Variants in FRMD1 observed in about 807,000 individuals in gnomAD.
The protein encoded by FRMD1 is FERM domain-containing protein 1.
A neutral mutation model predicts 54.9 loss-of-function variants in FRMD1; 51 were observed. The observed-to-expected ratio is 0.93, with a 90% CI of 0.74 to 1.17. FRMD1 has a LOEUF of 1.17. FRMD1 is among the 50% of genes most tolerant of loss of function. The pLI, the probability that FRMD1 is intolerant of heterozygous loss-of-function variation, is 0.00. For missense variants in FRMD1, 729 were observed against 743.0 expected, an observed-to-expected ratio of 0.98 and a Z score of 0.22; for synonymous variants, 324 against 306.4, an observed-to-expected ratio of 1.06 and a Z score of -0.60.
chr6:168,087,824 G>C (rs939417347), intron 1 of FRMD1, among the ~76,000 whole-genome samples: 1 of 152,198 alleles, frequency 6.6e-6, no homozygotes, highest in African/African-American at 2.4e-5. Flanking sequence ...CCCCAAGGAC[G>C]CTGACCTCAC....
chr6:168,092,726 C>T (rs1335247703), intron 1 of FRMD1, among the ~76,000 whole-genome samples: 2 of 152,208 alleles, frequency 1.3e-5, no homozygotes. Flanking sequence ...TGTTTAAGCT[C>T]CTGGTCTGTG....
chr6:168,073,007 C>A (rs929563601), intron 2 of FRMD1, among the ~76,000 whole-genome samples: 5 of 152,178 alleles, frequency 3.3e-5, no homozygotes, highest in African/African-American at 1.2e-4. Context: ...TGGGAAGCTA[C>A]GTGTTTTGAC....
At chr6:168,074,940 A>T (rs1800509597) in intron 2 of FRMD1, among the ~76,000 whole-genome samples, 1 of 143,348 alleles carries the variant, frequency 7.0e-6, no homozygotes, top group African/African-American at 2.6e-5. Context: ...GTGGTGTGTA[A>T]CTGCACGTGT....
intron 10 of FRMD1, among the ~76,000 whole-genome samples, chr6:168,058,745 C>T (rs185819112): frequency 6.6e-6 from 1 of 152,180 alleles, no homozygotes; most frequent in African/African-American, 2.4e-5. Context: ...CAGCACTAGG[C>T]CCCGGGTGGA....
At position 168,057,128 on chromosome 6, in the gene FRMD1, C is replaced by T. The variant is rs1353787927; in HGVS notation, c.1619G>A (p.Gly540Glu). 6.6e-7 allele frequency: 1 copy of T among 1,512,190 alleles called. No individual in the cohort carries two copies. The highest frequency in any genetic ancestry group is 1.3e-5 in the South Asian group (1 of 74,824). 93.7% of individuals were successfully genotyped at this position (1,512,190 alleles called of 1,614,324 possible). A position where few individuals can be genotyped will look rare whatever the true frequency, so the allele number is the denominator to read the frequency against. ...CACAAACTCCTGTGGTGGAGCCTCT[C>T]CGAACAGGTCCAGGGCGAGACAGTT... The part of the protein sequence containing the change: ...SSNCLALDLF[G>E]EAPPQEFVV The change falls in exon 11 of 11, where the codon GGA becomes GAA. Residue 540 changes from glycine to glutamate, a missense_variant. By Grantham distance (98) the Gly-to-Glu change is moderately conservative. Coordinates refer to ENST00000283309, the MANE Select transcript of FRMD1 (RefSeq NM_024919.6).
chr6:168,073,150 GGT>G (rs1562423857), intron 2 of FRMD1, among the ~76,000 whole-genome samples: 1 of 152,124 alleles, frequency 6.6e-6, no homozygotes, highest in Non-Finnish European at 1.5e-5. Context: ...GCTGCTCCCG[GGT>G]GTAAGCCCAG....
chr6:168,059,043 C>T lies in FRMD1; in HGVS notation c.1407+81G>A. ...ACCCTCTGATAGGCCTAGGAAGGTC[C>T]CCAGGGCCCCTGACAGGGGACCTAG... is the stretch of plus-strand genomic sequence containing the variant. On this transcript the variant is annotated intron_variant, in intron 10 of 10. Coordinates refer to ENST00000283309, the MANE Select transcript of FRMD1 (RefSeq NM_024919.6). The surrounding 1 kb of genome is among the most constrained non-coding windows in gnomAD (Gnocchi z 4.4). 1 of 1,167,480 alleles carries T rather than the reference C, an allele frequency of 8.6e-7. No homozygotes were observed. Among genetic ancestry groups the T allele is most frequent in the East Asian group, 2.6e-5 (1 of 39,210 alleles). The allele number at this position is 1,167,480 out of a possible 1,614,324, so 72.3% of individuals were successfully genotyped here.
At chr6:168,086,874 C>G (rs1277250827) in intron 1 of FRMD1, among the ~76,000 whole-genome samples, 2 of 152,256 alleles carry the variant, frequency 1.3e-5, no homozygotes. Flanking sequence ...CCTTGGGCAC[C>G]TGTTAGCCAG....
At chr6:168,079,331 C>T (rs1256056123), upstream of FRMD1, among the ~76,000 whole-genome samples, 4 of 152,218 alleles carry the variant, frequency 2.6e-5, no homozygotes, top group Non-Finnish European at 5.9e-5. Context: ...AGGCTGGGCA[C>T]CCGCCATGCA....
rs2269680 is a variant in FRMD1 at position 168,059,112 on chromosome 6, G to T, written c.1407+12C>A. The T allele has an allele frequency of 2.9e-4, 453 of 1,558,124 alleles. No homozygotes were observed. The highest frequency in any genetic ancestry group is 4.2e-4 in the Admixed American group (23 of 54,436). ...CAGGGCCAGGGCTTCTGGCCCGTGG[G>T]GGGGACTCTACCTGGTGCACGGCCT... On this transcript the variant is annotated intron_variant, in intron 10 of 10. Transcript: ENST00000283309. This position sits in a 1 kb window ranked among gnomAD's most constrained non-coding sequence, Gnocchi z 4.4.
chr6:168,080,269 G>GCTCC (rs560583803), upstream of FRMD1, among the ~76,000 whole-genome samples: 2 of 151,812 alleles, frequency 1.3e-5, no homozygotes, highest in African/African-American at 2.4e-5. Flanking sequence ...ACTGACACTG[G>GCTCC]CTCCCTCCCT....
In FRMD1 at chr6:168,060,939, G is replaced by A. The variant is rs765450381; in HGVS notation, c.1164C>T (p.His388=). Residue 388 remains histidine (H), a synonymous_variant, in exon 9 of 11, where the codon CAC becomes CAT. Transcript: ENST00000283309. ...AGGAACTGCCGTGGCTGTCGGCGGA[G>A]TGGCGTGAGAGGCAGTGGGGGCAGT... is the stretch of plus-strand genomic sequence containing the variant. ...SQHCPHCLSR[H]SADSHGSSYT... 6.2e-6 allele frequency: 10 copies of A among 1,613,668 alleles called. No homozygotes were observed. The highest frequency in any genetic ancestry group is 1.1e-5 in the South Asian group (1 of 91,080).
rs3734895 is a variant in FRMD1, at chr6:168,053,740, C to T, written c.*3357G>A. ...CCCCGTGGCTCTGGCACATTTCCCC[C>T]GCCTGGGGAACCCAGAGTCCATGGG... On this transcript the variant is annotated 3_prime_UTR_variant, in exon 11 of 11. Coordinates refer to ENST00000283309, the MANE Select transcript of FRMD1 (RefSeq NM_024919.6). 134,631 of 152,304 alleles carry T rather than the reference C, an allele frequency of 0.88. 59,570 individuals are homozygous for T. Among genetic ancestry groups the T allele is most frequent in the Non-Finnish European group, 0.91 (62,054 of 68,046 alleles). The allele number at this position is 152,304 out of a possible 1,614,324, so 9.4% of individuals were successfully genotyped here.
chr6:168,086,781 CCACACTGGATGG>C (rs1262670381), intron 1 of FRMD1, among the ~76,000 whole-genome samples: 1 of 152,252 alleles, frequency 6.6e-6, no homozygotes, highest in Non-Finnish European at 1.5e-5. Flanking sequence ...CCCTGTCTCC[CCACACTGGATGG>C]CACGATGTTC....
At chr6:168,072,304 A>C (rs1010854878) in intron 2 of FRMD1, among the ~76,000 whole-genome samples, 6 of 151,914 alleles carry the variant, frequency 3.9e-5, no homozygotes, top group African/African-American at 1.5e-4. Context: ...ACCCCCCAAC[A>C]CCACCTGCTG....
rs557168636 is a variant in FRMD1, at chr6:168,059,355, C to T, written c.1343-167G>A. Among the ~76,000 whole-genome samples the T allele has an allele frequency of 1.1e-4, 17 of 152,296 alleles. No individual in the cohort carries two copies. The highest frequency in any genetic ancestry group is 9.8e-4 in the Admixed American group (15 of 15,302). On this transcript the variant is annotated intron_variant, in intron 9 of 10. Coordinates refer to ENST00000283309, the MANE Select transcript of FRMD1 (RefSeq NM_024919.6). This position sits in a 1 kb window ranked among gnomAD's most constrained non-coding sequence, Gnocchi z 4.4. The stretch of plus-strand genomic sequence containing the variant: ...CGGTGACTGCTTTTGCTCCATTCCC[C>T]GACATCTGATAAAACGGCCCCTTGC...
chr6:168,083,404 C>T (rs968053905), upstream of FRMD1, among the ~76,000 whole-genome samples: 1 of 152,236 alleles, frequency 6.6e-6, no homozygotes, highest in Non-Finnish European at 1.5e-5. Context: ...GCGGTGCCGG[C>T]AGGAACCGCC....
At chr6:168,075,670 C>A in intron 1 of FRMD1, 1 of 1,276,786 alleles carries the variant, frequency 7.8e-7, no homozygotes, top group Non-Finnish European at 1.1e-6. Context: ...GGGCCGCCCT[C>A]TGGGCTCTGT....
chr6:168,074,204 TGGA>T (rs1800446904), intron 2 of FRMD1, among the ~76,000 whole-genome samples: 1 of 152,132 alleles, frequency 6.6e-6, no homozygotes, highest in African/African-American at 2.4e-5. Flanking sequence ...GCAGGGTCTG[TGGA>T]GCCCAGGGGA....
Sources: gnomAD v4.1 joint callset for allele counts (sites outside exome capture counted in the v4.1 genomes callset) on GRCh38, gnomAD v4.1.1 for gene constraint, Gnocchi (gnomAD v3.1) non-coding constraint, MANE v1.5 for transcripts, NCBI Gene and HGNC (gene_info 2026-07-23, HGNC 2026-07-21) for gene names.